Variants in SYNJ2BP observed in about 807,000 individuals in gnomAD.
SYNJ2BP encodes the protein synaptojanin 2 binding protein.
Under a neutral mutation model 16.9 loss-of-function variants are expected in SYNJ2BP, and 10 were observed. The ratio of observed to expected loss-of-function variants is 0.59; its 90% CI spans 0.36 to 1.00. SYNJ2BP has a LOEUF of 1.00. Among genes scored for constraint, SYNJ2BP ranks in the 50% least tolerant of loss-of-function variants. The pLI is 0.01. For missense variants in SYNJ2BP, 162 were observed against 186.7 expected, an observed-to-expected ratio of 0.87 and a Z score of 0.77; for synonymous variants, 54 against 68.4, an observed-to-expected ratio of 0.79 and a Z score of 1.04.
intron 1 of SYNJ2BP, among the ~76,000 whole-genome samples, chr14:70,415,148 G>C (rs942726069): frequency 6.8e-6 from 1 of 148,142 alleles, no homozygotes; most frequent in Non-Finnish European, 1.5e-5. Context: ...AGACCAGCCT[G>C]GGCAACAAAG....
At chr14:70,415,335 A>C (rs1888580003) in intron 1 of SYNJ2BP, among the ~76,000 whole-genome samples, 1 of 151,310 alleles carries the variant, frequency 6.6e-6, no homozygotes, top group Non-Finnish European at 1.5e-5. Context: ...ATTTAAACTC[A>C]GGAGTTTAAA....
At chr14:70,390,261 G>C (rs770597814) in intron 1 of SYNJ2BP, among the ~76,000 whole-genome samples, 1 of 152,218 alleles carries the variant, frequency 6.6e-6, no homozygotes, top group South Asian at 2.1e-4. Flanking sequence ...CAGGGGCACA[G>C]TGTAAGACAA....
At chr14:70,394,646 G>C (rs1410521347) in intron 1 of SYNJ2BP, among the ~76,000 whole-genome samples, 1 of 152,016 alleles carries the variant, frequency 6.6e-6, no homozygotes, top group Non-Finnish European at 1.5e-5. Context: ...AAGAAAGTGT[G>C]CCTAATAGAA....
intron 2 of SYNJ2BP, among the ~76,000 whole-genome samples, chr14:70,386,711 T>G (rs542431164): frequency 9.8e-5 from 15 of 152,318 alleles, no homozygotes; most frequent in African/African-American, 3.6e-4. Flanking sequence ...AGAGAGGTGT[T>G]CAATAAGCTG....
chr14:70,382,713 G>T (rs1382233656), intron 2 of SYNJ2BP, among the ~76,000 whole-genome samples: 1 of 152,192 alleles, frequency 6.6e-6, no homozygotes, highest in Admixed American at 6.5e-5. Flanking sequence ...TTTGCAATGT[G>T]CTAGAAAATT....
chr14:70,403,844 G>T (rs1888292130), intron 1 of SYNJ2BP, among the ~76,000 whole-genome samples: 1 of 152,112 alleles, frequency 6.6e-6, no homozygotes, highest in African/African-American at 2.4e-5. Flanking sequence ...CCTCTCTTCG[G>T]GTCTGGATCA....
At chr14:70,386,076 CCTATA>C (rs969003601) in intron 2 of SYNJ2BP, among the ~76,000 whole-genome samples, 2 of 152,208 alleles carry the variant, frequency 1.3e-5, no homozygotes, top group African/African-American at 2.4e-5. Context: ...CTTCTTAACT[CCTATA>C]CTATTCTTCA....
intron 1 of SYNJ2BP, among the ~76,000 whole-genome samples, chr14:70,412,278 A>C (rs986151483): frequency 2.0e-5 from 3 of 152,122 alleles, no homozygotes; most frequent in Non-Finnish European, 4.4e-5. Flanking sequence ...AAACATGGCT[A>C]CTGCAGTGGA....
Position 70,375,769 on chromosome 14 carries a change from T to C in SYNJ2BP, c.204A>G (p.Val68=), listed in dbSNP as rs1316725632. ...GCAGGTTCTTTAGGTCTTGGCCATT[T>C]ACCTGTCAAAACACCAAAGAGTAGT... is the stretch of plus-strand genomic sequence containing the variant. ...RLQEGDKILS[V]NGQDLKNLLH... is the part of the protein sequence containing the mutation. The change falls in exon 3 of 4, where the codon GTA becomes GTG. Residue 68 remains valine (V), a splice_region_variant and synonymous_variant. Transcript: ENST00000256366. 6.2e-7 allele frequency: 1 copy of C among 1,613,716 alleles called. No individual in the cohort carries two copies. Among genetic ancestry groups the C allele is most frequent in the Admixed American group, 1.7e-5 (1 of 59,878 alleles).
chr14:70,403,645 G>A (rs1207722282), intron 1 of SYNJ2BP, among the ~76,000 whole-genome samples: 1 of 152,196 alleles, frequency 6.6e-6, no homozygotes, highest in Non-Finnish European at 1.5e-5. Flanking sequence ...GGTCTAAAAA[G>A]GGGAGGCATA....
intron 1 of SYNJ2BP, among the ~76,000 whole-genome samples, chr14:70,389,192 C>T (rs1887927017): frequency 1.3e-5 from 2 of 152,140 alleles, no homozygotes; most frequent in Admixed American, 1.3e-4. Flanking sequence ...CCTGATATTA[C>T]TACAGCAGGG....
chr14:70,388,642 G>A, intron 1 of SYNJ2BP, 36 bp from the exon 2 acceptor site: 7 of 1,450,504 alleles, frequency 4.8e-6, no homozygotes, highest in Non-Finnish European at 5.5e-6. Flanking sequence ...AGATGGGGGT[G>A]AAGAAGAAAG....
At chr14:70,403,814 C>A (rs1888290916) in intron 1 of SYNJ2BP, among the ~76,000 whole-genome samples, 2 of 152,184 alleles carry the variant, frequency 1.3e-5, no homozygotes, top group African/African-American at 4.8e-5. Flanking sequence ...CAAATTCTTT[C>A]TTGCGTGAGA....
Position 70,372,748 on chromosome 14 carries a change from A to T in SYNJ2BP, c.*243T>A. 2.4e-6 allele frequency: 1 copy of T among 425,168 alleles called. No individual in the cohort carries two copies. The highest frequency in any genetic ancestry group is 4.0e-6 in the Non-Finnish European group (1 of 248,154). 26.3% of individuals were successfully genotyped at this position (425,168 alleles called of 1,614,324 possible). A position where few individuals can be genotyped will look rare whatever the true frequency, so the allele number is the denominator to read the frequency against. On this transcript the variant is annotated 3_prime_UTR_variant, in exon 4 of 4. Transcript: ENST00000256366. The stretch of plus-strand genomic sequence containing the variant: ...TAGCTGAATTTCTATCAAAAGTCCT[A>T]GTAAAATATATAACTCCTCATTTGT...
rs147707227 is a variant in SYNJ2BP, at chr14:70,391,880, C to A, written c.65-3274G>T. Among the ~76,000 whole-genome samples the A allele has an allele frequency of 2.2e-4, 34 of 152,292 alleles. No individual in the cohort carries two copies. In the Middle Eastern group the frequency reaches 0.01, roughly 46 times the overall value. The stretch of plus-strand genomic sequence containing the variant: ...TGAACCAAACTATTTAACATGAGAA[C>A]TCCTGGACTGACCTGAAGCCCTTTG... On this transcript the variant is annotated intron_variant, in intron 1 of 3. Transcript: ENST00000256366.
intron 1 of SYNJ2BP, among the ~76,000 whole-genome samples, chr14:70,412,622 A>ATGTGTAGTATATATACAG (rs1292392665): frequency 7.6e-6 from 1 of 130,740 alleles, no homozygotes; most frequent in Non-Finnish European, 1.8e-5. Context: ...ATATATATGT[A>ATGTGTAGTATATATACAG]TATATAGTAA....
At chr14:70,375,570 G>A in intron 3 of SYNJ2BP, 106 bp downstream of exon 3, 1 of 1,387,600 alleles carries the variant, frequency 7.2e-7, no homozygotes, top group Non-Finnish European at 9.7e-7. Flanking sequence ...CTTCAGGGGA[G>A]TGAGGGTAAA....
chr14:70,391,668 A>C (rs1887982700), intron 1 of SYNJ2BP, among the ~76,000 whole-genome samples: 1 of 152,208 alleles, frequency 6.6e-6, no homozygotes, highest in African/African-American at 2.4e-5. Flanking sequence ...AGCTGAATGC[A>C]ATGTAGTAGT....
At chr14:70,385,341 CTTATTTTATTTTTATT>C (rs796838627) in intron 2 of SYNJ2BP, among the ~76,000 whole-genome samples, 2 of 151,658 alleles carry the variant, frequency 1.3e-5, no homozygotes, top group African/African-American at 2.4e-5. Context: ...CAGTTTTTAT[CTTATTTTATTTTTATT>C]TTATTTTATT....
Sources: gnomAD v4.1 joint callset for allele counts (sites outside exome capture counted in the v4.1 genomes callset) on GRCh38, gnomAD v4.1.1 for gene constraint, MANE v1.5 for transcripts, NCBI Gene and HGNC (gene_info 2026-07-23, HGNC 2026-07-21) for gene names.